The following PCCA variants were observed in gnomAD, a reference collection of about 807,000 sequenced individuals.
The protein encoded by PCCA is propionyl-CoA carboxylase alpha chain, mitochondrial.
A neutral mutation model predicts 101.3 loss-of-function variants in PCCA; 74 were observed. The ratio of observed to expected loss-of-function variants is 0.73; its 90% CI spans 0.61 to 0.89. The LOEUF is 0.89. PCCA is among the 40% of genes least tolerant of loss of function. The pLI is 0.00. For synonymous variants in PCCA, 294 were observed against 313.6 expected (o/e 0.94, Z 0.66); for missense variants, 891 against 907.0 (o/e 0.98, Z 0.23).
At chr13:100,379,899 C>T (rs1023647003) in intron 19 of PCCA, among the ~76,000 whole-genome samples, 56 of 152,102 alleles carry the variant, frequency 3.7e-4, no homozygotes, top group Non-Finnish European at 8.8e-5. Context: ...TCATGTAATT[C>T]CCAAATTAGT....
intron 21 of PCCA, chr13:100,491,790 A>G: frequency 8.7e-7 from 1 of 1,150,214 alleles, no homozygotes; most frequent in African/African-American, 1.7e-5. Flanking sequence ...TTTATTTTAA[A>G]TCTCCAATAA....
At chr13:100,216,529 A>G (rs2059530078) in intron 7 of PCCA, among the ~76,000 whole-genome samples, 1 of 152,200 alleles carries the variant, frequency 6.6e-6, no homozygotes. Context: ...ACATATTGTC[A>G]GTGCTTAAGT....
intron 12 of PCCA, among the ~76,000 whole-genome samples, chr13:100,292,028 G>A (rs374422583): frequency 2.0e-5 from 3 of 152,292 alleles, no homozygotes; most frequent in African/African-American, 7.2e-5. Flanking sequence ...GTAACTCTGG[G>A]GGAGATAGAC....
chr13:100,238,618 G>A lies in PCCA; in HGVS notation c.637+2740G>A, dbSNP rs144160609. On this transcript the variant is annotated intron_variant, in intron 8 of 23. Coordinates refer to ENST00000376285, the MANE Select transcript of PCCA (RefSeq NM_000282.4). Reference sequence around the variant, plus strand: ...GGTAAAATAAACCATAAAGAACTAGGGTCATCAGCTCTTACAAAGCTTTTA... The same window carrying A: ...GGTAAAATAAACCATAAAGAACTAGAGTCATCAGCTCTTACAAAGCTTTTA... Among the ~76,000 whole-genome samples, 116 of 152,144 alleles carry A rather than the reference G, an allele frequency of 7.6e-4. 1 individual carries two copies. The highest frequency in any genetic ancestry group is 2.7e-3 in the African/African-American group (114 of 41,500).
At chr13:100,453,393 A>G (rs79084744) in intron 21 of PCCA, among the ~76,000 whole-genome samples, 3 of 151,820 alleles carry the variant, frequency 2.0e-5, no homozygotes, top group African/African-American at 7.2e-5. Context: ...CCCAGCTACT[A>G]CAGGAGGCTG....
At chr13:100,285,057 T>A (rs1270904760) in intron 12 of PCCA, among the ~76,000 whole-genome samples, 1 of 152,186 alleles carries the variant, frequency 6.6e-6, no homozygotes, top group African/African-American at 2.4e-5. Context: ...AGGTTAAATA[T>A]CTAGGCCTAA....
chr13:100,205,196 G>T (rs2058779562), intron 6 of PCCA, among the ~76,000 whole-genome samples: 1 of 152,122 alleles, frequency 6.6e-6, no homozygotes, highest in African/African-American at 2.4e-5. Flanking sequence ...AGTATCGAAG[G>T]TTACTAGTGG....
chr13:100,204,255 G>C (rs1594717841), intron 6 of PCCA, among the ~76,000 whole-genome samples: 1 of 151,810 alleles, frequency 6.6e-6, no homozygotes, highest in African/African-American at 2.4e-5. Context: ...TCAGCTTCCT[G>C]AGTAGCTGGG....
intron 21 of PCCA, among the ~76,000 whole-genome samples, chr13:100,504,585 A>T (rs2085923575): frequency 6.6e-6 from 1 of 152,220 alleles, no homozygotes; most frequent in African/African-American, 2.4e-5. Context: ...AATTAGTGGT[A>T]ATGATGGCTA....
chr13:100,379,807 C>T (rs1182054430), intron 19 of PCCA, among the ~76,000 whole-genome samples: 1 of 152,170 alleles, frequency 6.6e-6, no homozygotes, highest in Non-Finnish European at 1.5e-5. Flanking sequence ...GATTCAATTT[C>T]CTCCCACTGG....
At chr13:100,172,840 G>A (rs886650864) in intron 6 of PCCA, among the ~76,000 whole-genome samples, 18 of 152,142 alleles carry the variant, frequency 1.2e-4, no homozygotes, top group East Asian at 1.9e-4. Context: ...CTTTTCAGGC[G>A]AAGAAGCAGA....
At chr13:100,375,161 A>G (rs1358676158) in intron 19 of PCCA, among the ~76,000 whole-genome samples, 2 of 152,108 alleles carry the variant, frequency 1.3e-5, no homozygotes, top group African/African-American at 2.4e-5. Context: ...TTCAGTTTCC[A>G]TGTAGTTGTG....
In PCCA at chr13:100,185,050, G is replaced by A. The variant is rs143177983; in HGVS notation, c.469-24282G>A. Among the ~76,000 whole-genome samples the A allele has an allele frequency of 2.5e-3, 384 of 152,244 alleles. 4 individuals are homozygous for A. Among genetic ancestry groups the A allele is most frequent in the African/African-American group, 8.9e-3 (371 of 41,544 alleles). On this transcript the variant is annotated intron_variant, in intron 6 of 23. Coordinates refer to ENST00000376285, the MANE Select transcript of PCCA (RefSeq NM_000282.4). ...TGTACAGCTTTACAAATTATTGTGGGCACCCACATAATATTACCTAGGTCA... is the reference window on the plus strand; with the variant it reads ...TGTACAGCTTTACAAATTATTGTGGACACCCACATAATATTACCTAGGTCA...
chr13:100,470,155 T>C (rs1243025767), intron 21 of PCCA, among the ~76,000 whole-genome samples: 3 of 152,172 alleles, frequency 2.0e-5, no homozygotes, highest in Non-Finnish European at 2.9e-5. Flanking sequence ...CACACCTGGC[T>C]ATCGGGGTGA....
chr13:100,379,358 G>A lies in PCCA; in HGVS notation c.1746+10784G>A, dbSNP rs140377813. ...CTGAGTATGTCTGTCCTTGGGCCCC[G>A]GGGTTGCATGTGCTGACACTGATGT... is the stretch of plus-strand genomic sequence containing the variant. On this transcript the variant is annotated intron_variant, in intron 19 of 23. Coordinates refer to ENST00000376285, the MANE Select transcript of PCCA (RefSeq NM_000282.4). 2.0e-4 allele frequency among the ~76,000 whole-genome samples: 31 copies of A among 152,232 alleles called. 1 individual carries two copies. The highest frequency in any genetic ancestry group is 4.6e-4 in the African/African-American group (19 of 41,540).
In PCCA at chr13:100,421,347, C is replaced by T. The variant is rs373552027; in HGVS notation, c.1747-4286C>T. ...GCTCTTAAGCATTTGTCCAGAGATACTCTTTGCATTTAAAAACACACATGT... is the reference window on the plus strand; with the variant it reads ...GCTCTTAAGCATTTGTCCAGAGATATTCTTTGCATTTAAAAACACACATGT... On this transcript the variant is annotated intron_variant, in intron 19 of 23. Transcript: ENST00000376285. Among the ~76,000 whole-genome samples the T allele has an allele frequency of 8.7e-4, 133 of 152,286 alleles. 4 individuals are homozygous for T. In the South Asian group the frequency reaches 0.025, roughly 28 times the overall value.
chr13:100,518,740 T>G (rs2087016938), intron 22 of PCCA, among the ~76,000 whole-genome samples: 1 of 152,178 alleles, frequency 6.6e-6, no homozygotes, highest in African/African-American at 2.4e-5. Flanking sequence ...TTAGTGCCTT[T>G]TTATATGCCT....
intron 12 of PCCA, among the ~76,000 whole-genome samples, chr13:100,279,267 C>G (rs1216228010): frequency 1.3e-5 from 2 of 152,150 alleles, no homozygotes; most frequent in Non-Finnish European, 2.9e-5. Flanking sequence ...ATATTTTTCT[C>G]TCTTGTGGTT....
At chr13:100,269,827 G>T (rs2063185574) in intron 11 of PCCA, among the ~76,000 whole-genome samples, 1 of 152,154 alleles carries the variant, frequency 6.6e-6, no homozygotes, top group African/African-American at 2.4e-5. Flanking sequence ...AGTTACATTG[G>T]TTTTTAAAAA....
Sources: allele counts gnomAD v4.1 joint callset (sites outside exome capture counted in the v4.1 genomes callset), GRCh38; gene constraint gnomAD v4.1.1; transcripts MANE v1.5; gene names NCBI Gene and HGNC (gene_info 2026-07-23, HGNC 2026-07-21).